The following CLIC4 variants were observed in gnomAD, a reference collection of about 807,000 sequenced individuals.
CLIC4 encodes CLIC family member 4.
Under a neutral mutation model 24.6 loss-of-function variants are expected in CLIC4, and 13 were observed. That is an observed-to-expected ratio of 0.53 (90% CI 0.34 to 0.84). The LOEUF is 0.84. Among genes scored for constraint, CLIC4 ranks in the 40% least tolerant of loss-of-function variants. CLIC4 has a pLI of 0.01. For missense variants in CLIC4, 227 were observed against 301.7 expected (o/e 0.75, Z 1.83); for synonymous variants, 104 against 111.3 (o/e 0.93, Z 0.41).
At chr1:24,755,772 A>G (rs902054020) in intron 1 of CLIC4, among the ~76,000 whole-genome samples, 1 of 152,106 alleles carries the variant, frequency 6.6e-6, no homozygotes, top group Non-Finnish European at 1.5e-5. Flanking sequence ...GTGCAGATAA[A>G]TAAGACTGTA....
chr1:24,752,633 T>A (rs1638791084), intron 1 of CLIC4, among the ~76,000 whole-genome samples: 1 of 152,224 alleles, frequency 6.6e-6, no homozygotes, highest in Non-Finnish European at 1.5e-5. Flanking sequence ...GGCTGGCAAG[T>A]GTGGTCTAAC....
At chr1:24,816,323 T>C (rs1639668778) in intron 3 of CLIC4, among the ~76,000 whole-genome samples, 1 of 126,946 alleles carries the variant, frequency 7.9e-6, no homozygotes, top group African/African-American at 3.0e-5. Context: ...CACTGCAACC[T>C]CCACCTCCCA....
chr1:24,750,010 G>A (rs1638753770), intron 1 of CLIC4, among the ~76,000 whole-genome samples: 2 of 152,322 alleles, frequency 1.3e-5, no homozygotes, highest in South Asian at 2.1e-4. Flanking sequence ...CTTTAGCCTG[G>A]GAGGCAGAGG....
chr1:24,806,500 C>G (rs1639551503), intron 2 of CLIC4, among the ~76,000 whole-genome samples: 1 of 152,120 alleles, frequency 6.6e-6, no homozygotes, highest in African/African-American at 2.4e-5. Context: ...AGTTTTATCG[C>G]TTTATTTATT....
At chr1:24,762,442 A>G (rs1251462513) in intron 1 of CLIC4, among the ~76,000 whole-genome samples, 1 of 152,076 alleles carries the variant, frequency 6.6e-6, no homozygotes, top group Non-Finnish European at 1.5e-5. Flanking sequence ...AGTGTATGAG[A>G]TCATTGTGTG....
At chr1:24,763,504 CACTCCATGACAGAGTGAG>C (rs1444071018) in intron 1 of CLIC4, among the ~76,000 whole-genome samples, 1 of 135,362 alleles carries the variant, frequency 7.4e-6, no homozygotes, top group Admixed American at 8.5e-5. Flanking sequence ...CATGCCACTG[CACTCCATGACAGAGTGAG>C]ACTCCGTCTC....
intron 1 of CLIC4, among the ~76,000 whole-genome samples, chr1:24,785,873 A>AAAAG (rs1557802221): frequency 3.3e-5 from 5 of 150,634 alleles, no homozygotes; most frequent in African/African-American, 1.2e-4. Flanking sequence ...AAAAAAAAAA[A>AAAAG]AAAGAAAAGA....
At position 24,842,704 on chromosome 1, in the gene CLIC4, T is replaced by G. The variant is rs1639955745; in HGVS notation, c.*1767T>G. 6.6e-6 allele frequency: 1 copy of G among 152,196 alleles called. No individual in the cohort carries two copies. The highest frequency in any genetic ancestry group is 6.5e-5 in the Admixed American group (1 of 15,268). 9.4% of individuals were successfully genotyped at this position (152,196 alleles called of 1,614,324 possible). A position where few individuals can be genotyped will look rare whatever the true frequency, so the allele number is the denominator to read the frequency against. ...AAAGTTTGAGTACCCGCTTGGTTTTTTTTTGGTAATTAAATATTGTATGAT... is the reference window on the plus strand; with the variant it reads ...AAAGTTTGAGTACCCGCTTGGTTTTGTTTTGGTAATTAAATATTGTATGAT... On this transcript the variant is annotated 3_prime_UTR_variant, in exon 6 of 6. Coordinates refer to ENST00000374379, the MANE Select transcript of CLIC4 (RefSeq NM_013943.3).
intron 2 of CLIC4, 88 bp from the exon 3 acceptor site, chr1:24,814,006 C>G: frequency 6.5e-7 from 1 of 1,530,626 alleles, no homozygotes; most frequent in Non-Finnish European, 9.0e-7. Flanking sequence ...CGCAAGCCAC[C>G]GTGCCTGGCC....
chr1:24,773,274 G>T (rs746293178), intron 1 of CLIC4, among the ~76,000 whole-genome samples: 7 of 152,102 alleles, frequency 4.6e-5, no homozygotes, highest in Admixed American at 1.3e-4. Flanking sequence ...GTTAAAATTG[G>T]TCTGAGAACT....
intron 3 of CLIC4, among the ~76,000 whole-genome samples, chr1:24,819,808 C>T (rs1639707972): frequency 1.5e-5 from 2 of 136,780 alleles, no homozygotes; most frequent in South Asian, 4.8e-4. Flanking sequence ...GGCACAATCT[C>T]GACTCACTGC....
intron 3 of CLIC4, among the ~76,000 whole-genome samples, chr1:24,816,256 T>G (rs373774382): frequency 0.011 from 1,622 of 148,976 alleles, 20 homozygotes; most frequent in African/African-American, 0.039. Flanking sequence ...TTTTTTTTTT[T>G]GGACGGAGTT....
At chr1:24,776,202 A>T (rs1639139040) in intron 1 of CLIC4, among the ~76,000 whole-genome samples, 1 of 152,050 alleles carries the variant, frequency 6.6e-6, no homozygotes. Flanking sequence ...ATGGTGTCTT[A>T]CTTTATTTTC....
At chr1:24,790,234 G>A (rs1639317307) in intron 1 of CLIC4, among the ~76,000 whole-genome samples, 1 of 152,114 alleles carries the variant, frequency 6.6e-6, no homozygotes, top group Non-Finnish European at 1.5e-5. Context: ...ACCACACTCG[G>A]CTGATTTTTG....
intron 1 of CLIC4, among the ~76,000 whole-genome samples, chr1:24,780,451 C>T (rs913122277): frequency 2.6e-5 from 4 of 152,220 alleles, no homozygotes; most frequent in African/African-American, 7.2e-5. Flanking sequence ...AAATCTTTCA[C>T]GATCTGGCCC....
intron 3 of CLIC4, among the ~76,000 whole-genome samples, chr1:24,815,553 A>T (rs1639659326): frequency 6.6e-6 from 1 of 152,150 alleles, no homozygotes; most frequent in African/African-American, 2.4e-5. Flanking sequence ...GCCTTCAGCG[A>T]GTCAATCTTT....
chr1:24,804,062 G>T (rs147662346), intron 2 of CLIC4, among the ~76,000 whole-genome samples: 159 of 152,140 alleles, frequency 1.0e-3, no homozygotes, highest in Middle Eastern at 3.4e-3. Flanking sequence ...TGTCTCTGTG[G>T]TTCCACCTTT....
chr1:24,803,592 T>C (rs7528154), intron 2 of CLIC4, among the ~76,000 whole-genome samples: 93,896 of 151,970 alleles, frequency 0.62, 30,183 homozygotes, highest in Non-Finnish European at 0.71. Flanking sequence ...TAATTTTCTG[T>C]TCATATTGCA....
chr1:24,763,195 T>C (rs1042019403), intron 1 of CLIC4, among the ~76,000 whole-genome samples: 4 of 152,094 alleles, frequency 2.6e-5, no homozygotes, highest in Non-Finnish European at 5.9e-5. Context: ...TTCTTCCTTT[T>C]CCTGACCCCC....
Sources: gnomAD v4.1 joint callset for allele counts (sites outside exome capture counted in the v4.1 genomes callset) on GRCh38, gnomAD v4.1.1 for gene constraint, MANE v1.5 for transcripts, NCBI Gene and HGNC (gene_info 2026-07-23, HGNC 2026-07-21) for gene names.